NCAM2: variants seen among roughly 807,000 people sequenced by gnomAD.
NCAM2 encodes N-CAM-2.
A neutral mutation model predicts 98.1 loss-of-function variants in NCAM2; 30 were observed. The observed-to-expected ratio is 0.31, with a 90% CI of 0.23 to 0.41. The LOEUF (loss-of-function observed/expected upper bound fraction) is 0.41. Among genes scored for constraint, NCAM2 ranks in the 10% least tolerant of loss-of-function variants. The pLI, the probability that NCAM2 is intolerant of heterozygous loss-of-function variation, is 1.00. For synonymous variants in NCAM2, 368 were observed against 342.4 expected (o/e 1.07, Z -0.83); for missense variants, 867 against 1,005.8 (o/e 0.86, Z 1.87).
chr21:21,069,197 T>C (rs2065505855), intron 1 of NCAM2, among the ~76,000 whole-genome samples: 1 of 152,214 alleles, frequency 6.6e-6, no homozygotes, highest in South Asian at 2.1e-4. Context: ...GCTAGTTGAA[T>C]TCACTAATTC....
chr21:21,512,753 G>A (rs898727237), intron 16 of NCAM2, among the ~76,000 whole-genome samples: 3 of 151,868 alleles, frequency 2.0e-5, no homozygotes, highest in Non-Finnish European at 4.4e-5. Flanking sequence ...GTGTCATCTT[G>A]AAGTTTTCAT....
chr21:21,241,604 G>A (rs779777682), intron 1 of NCAM2, among the ~76,000 whole-genome samples: 1 of 152,116 alleles, frequency 6.6e-6, no homozygotes, highest in Non-Finnish European at 1.5e-5. Flanking sequence ...GGGGTCTAAT[G>A]GCAAGCAGTC....
intron 11 of NCAM2, among the ~76,000 whole-genome samples, chr21:21,419,351 T>C (rs935193817): frequency 6.6e-6 from 1 of 150,784 alleles, no homozygotes; most frequent in Non-Finnish European, 1.5e-5. Context: ...GTCATGGTTT[T>C]TTTTTTCGAT....
rs572395872 is a variant in NCAM2, at chr21:21,404,618, T to C, written c.1196-5656T>C. Among the ~76,000 whole-genome samples the C allele has an allele frequency of 3.9e-4, 60 of 152,192 alleles. No individual in the cohort carries two copies. In the South Asian group the frequency reaches 0.012, roughly 32 times the overall value. ...TGAAAACGAACTAATACAGTATATA[T>C]TTGTGTATATGAGTGTATATATGTA... On this transcript the variant is annotated intron_variant, in intron 9 of 17. Coordinates refer to ENST00000400546, the MANE Select transcript of NCAM2 (RefSeq NM_004540.5).
intron 1 of NCAM2, among the ~76,000 whole-genome samples, chr21:21,156,517 T>C (rs1474964892): frequency 6.6e-6 from 1 of 151,926 alleles, no homozygotes; most frequent in African/African-American, 2.4e-5. Context: ...TAGTCTTTTG[T>C]TTGCATGGAT....
At chr21:21,030,593 T>C (rs1232961142) in intron 1 of NCAM2, among the ~76,000 whole-genome samples, 1 of 152,196 alleles carries the variant, frequency 6.6e-6, no homozygotes, top group African/African-American at 2.4e-5. Flanking sequence ...TAGGCAACAT[T>C]CACATGCTCC....
At chr21:21,385,197 G>T (rs569398482) in intron 9 of NCAM2, among the ~76,000 whole-genome samples, 1 of 151,518 alleles carries the variant, frequency 6.6e-6, no homozygotes, top group South Asian at 2.1e-4. Context: ...ATTTTATTTC[G>T]CAACAAATTC....
At chr21:21,056,400 C>G (rs2065209773) in intron 1 of NCAM2, among the ~76,000 whole-genome samples, 1 of 151,788 alleles carries the variant, frequency 6.6e-6, no homozygotes, top group Non-Finnish European at 1.5e-5. Flanking sequence ...GCCCATTCAT[C>G]TGACTCAGTT....
intron 1 of NCAM2, among the ~76,000 whole-genome samples, chr21:21,158,378 C>G (rs2067677221): frequency 6.6e-6 from 1 of 151,938 alleles, no homozygotes. Flanking sequence ...TTTGGGAGAC[C>G]AAGGTGGGCA....
In NCAM2 at chr21:21,525,824, A is replaced by T. The variant is rs550863393; in HGVS notation, c.2283-8713A>T. On this transcript the variant is annotated intron_variant, in intron 16 of 17. Coordinates refer to ENST00000400546, the MANE Select transcript of NCAM2 (RefSeq NM_004540.5). The stretch of plus-strand genomic sequence containing the variant: ...TATATATCACACCCAAGTGGGATTT[A>T]TCCCAGGTATGCAAGTCTGGTTCAA... Among the ~76,000 whole-genome samples, 5 of 152,284 alleles carry T rather than the reference A, an allele frequency of 3.3e-5. 1 individual carries two copies. The South Asian group carries it at 8.3e-4, about 25-fold the overall frequency.
chr21:21,264,963 A>ATGTGTATT (rs2072099942), intron 1 of NCAM2, among the ~76,000 whole-genome samples: 1 of 131,478 alleles, frequency 7.6e-6, no homozygotes, highest in Non-Finnish European at 1.6e-5. Flanking sequence ...GTGTATGTGT[A>ATGTGTATT]TATATACACA....
chr21:21,024,743 C>T (rs1002229237), intron 1 of NCAM2, among the ~76,000 whole-genome samples: 3 of 151,944 alleles, frequency 2.0e-5, no homozygotes, highest in Admixed American at 1.3e-4. Context: ...AAAAATTAGC[C>T]AGGCATGGTG....
At chr21:21,080,668 A>C (rs1009980062) in intron 1 of NCAM2, among the ~76,000 whole-genome samples, 7 of 145,852 alleles carry the variant, frequency 4.8e-5, no homozygotes, top group South Asian at 2.2e-4. Flanking sequence ...AAAAAAAAAA[A>C]AAAAAAAAAA....
intron 15 of NCAM2, among the ~76,000 whole-genome samples, chr21:21,502,738 C>A (rs1336059536): frequency 6.6e-6 from 1 of 151,942 alleles, no homozygotes; most frequent in East Asian, 1.9e-4. Flanking sequence ...CTTCTCTTTT[C>A]ATATGCTTAA....
chr21:21,332,647 C>A (rs1025726471), intron 6 of NCAM2, among the ~76,000 whole-genome samples: 1 of 152,152 alleles, frequency 6.6e-6, no homozygotes, highest in Non-Finnish European at 1.5e-5. Context: ...GTTGTCTGTG[C>A]AGCTGTCTTC....
chr21:21,447,968 T>C (rs1980437761), intron 12 of NCAM2, among the ~76,000 whole-genome samples: 1 of 152,098 alleles, frequency 6.6e-6, no homozygotes, highest in African/African-American at 2.4e-5. Context: ...AGTTCAACCA[T>C]CATGGAAGAC....
At chr21:21,470,040 C>T (rs1289701886) in intron 14 of NCAM2, among the ~76,000 whole-genome samples, 1 of 151,934 alleles carries the variant, frequency 6.6e-6, no homozygotes, top group East Asian at 1.9e-4. Context: ...GGGATAGTAA[C>T]AGTTTGTAAG....
At chr21:21,397,966 C>T (rs1212256041) in intron 9 of NCAM2, among the ~76,000 whole-genome samples, 2 of 152,248 alleles carry the variant, frequency 1.3e-5, no homozygotes, top group Non-Finnish European at 2.9e-5. Flanking sequence ...AACACTTGCA[C>T]ATGCATGTTT....
chr21:21,269,484 C>T (rs1166598067), intron 1 of NCAM2, among the ~76,000 whole-genome samples: 1 of 152,048 alleles, frequency 6.6e-6, no homozygotes, highest in Admixed American at 6.6e-5. Context: ...TTATAGATGT[C>T]GATTTTATTT....
Sources: gnomAD v4.1 joint callset for allele counts (sites outside exome capture counted in the v4.1 genomes callset) on GRCh38, gnomAD v4.1.1 for gene constraint, MANE v1.5 for transcripts, NCBI Gene and HGNC (gene_info 2026-07-23, HGNC 2026-07-21) for gene names.